GNAQ: variants seen among roughly 807,000 people sequenced by gnomAD.
GNAQ encodes the protein guanine nucleotide-binding protein G(q) subunit alpha.
Under a neutral mutation model 43.9 loss-of-function variants are expected in GNAQ, and 8 were observed. That is an observed-to-expected ratio of 0.18 (90% confidence interval 0.11 to 0.33). The LOEUF (loss-of-function observed/expected upper bound fraction) is 0.33. Ranked by LOEUF, GNAQ falls within the 10% of genes least tolerant of loss-of-function variation. The pLI is 1.00. For missense variants in GNAQ, 158 were observed against 450.8 expected (o/e 0.35, Z 5.88); for synonymous variants, 155 against 170.7 (o/e 0.91, Z 0.71).
intron 5 of GNAQ, among the ~76,000 whole-genome samples, chr9:77,760,338 C>T (rs1825976417): frequency 6.6e-6 from 1 of 152,114 alleles, no homozygotes; most frequent in South Asian, 2.1e-4. Flanking sequence ...TGCTGAGTGC[C>T]TGCGAGTGCA....
chr9:77,966,513 A>G (rs1823169371), intron 1 of GNAQ, among the ~76,000 whole-genome samples: 1 of 152,172 alleles, frequency 6.6e-6, no homozygotes, highest in African/African-American at 2.4e-5. Context: ...ATGCTTCCCC[A>G]AAGGAACAAA....
At chr9:77,947,404 T>G (rs139438023) in intron 1 of GNAQ, among the ~76,000 whole-genome samples, 178 of 152,298 alleles carry the variant, frequency 1.2e-3, no homozygotes, top group African/African-American at 4.1e-3. Flanking sequence ...CTCTGCCCTA[T>G]GCCAGTGCCA....
intron 1 of GNAQ, among the ~76,000 whole-genome samples, chr9:77,968,716 G>A (rs1013466873): frequency 3.9e-5 from 6 of 152,094 alleles, no homozygotes; most frequent in African/African-American, 1.2e-4. Flanking sequence ...ATTAATTTTC[G>A]TAAGTGTACC....
intron 1 of GNAQ, among the ~76,000 whole-genome samples, chr9:78,005,653 G>A (rs1823696366): frequency 1.3e-5 from 2 of 152,134 alleles, no homozygotes; most frequent in Non-Finnish European, 1.5e-5. Context: ...CATCCCATGT[G>A]ATCCTCCCAA....
intron 2 of GNAQ, among the ~76,000 whole-genome samples, chr9:77,912,596 G>A (rs1828826544): frequency 6.6e-6 from 1 of 151,770 alleles, no homozygotes; most frequent in South Asian, 2.1e-4. Flanking sequence ...GAACCATTAA[G>A]AAAACAAAAA....
At chr9:77,948,991 G>A (rs1033533723) in intron 1 of GNAQ, among the ~76,000 whole-genome samples, 16 of 152,110 alleles carry the variant, frequency 1.1e-4, no homozygotes, top group African/African-American at 3.6e-4. Context: ...GTGCCCCAGG[G>A]TCTCCCCAAG....
chr9:77,977,745 G>A (rs1823322469), intron 1 of GNAQ, among the ~76,000 whole-genome samples: 1 of 152,208 alleles, frequency 6.6e-6, no homozygotes, highest in African/African-American at 2.4e-5. Context: ...CAAGTCTGAA[G>A]AAGGCTAGTG....
intron 5 of GNAQ, among the ~76,000 whole-genome samples, chr9:77,779,856 A>G (rs1826364111): frequency 6.6e-6 from 1 of 151,916 alleles, no homozygotes; most frequent in South Asian, 2.1e-4. Context: ...ACAATTTGCC[A>G]AAACTCCTAT....
At chr9:77,734,465 A>T (rs997254995) in intron 5 of GNAQ, among the ~76,000 whole-genome samples, 5 of 152,226 alleles carry the variant, frequency 3.3e-5, no homozygotes, top group Non-Finnish European at 7.3e-5. Context: ...TTAAGAAATA[A>T]ATAAGCATGC....
At chr9:77,968,787 A>G (rs1823200458) in intron 1 of GNAQ, among the ~76,000 whole-genome samples, 1 of 152,216 alleles carries the variant, frequency 6.6e-6, no homozygotes, top group African/African-American at 2.4e-5. Flanking sequence ...CGGGGCTCTT[A>G]AAGAGGAACT....
intron 5 of GNAQ, among the ~76,000 whole-genome samples, chr9:77,785,717 C>A (rs1310019016): frequency 6.6e-6 from 1 of 152,122 alleles, no homozygotes; most frequent in African/African-American, 2.4e-5. Context: ...ACTGATCATG[C>A]AGACAATAAA....
chr9:77,907,951 G>C (rs528510789), intron 2 of GNAQ, among the ~76,000 whole-genome samples: 1 of 152,214 alleles, frequency 6.6e-6, no homozygotes, highest in Admixed American at 6.5e-5. Flanking sequence ...TCAAGTATAC[G>C]AGCTGCCTTT....
chr9:77,741,254 G>A (rs1825649951), intron 5 of GNAQ, among the ~76,000 whole-genome samples: 1 of 151,728 alleles, frequency 6.6e-6, no homozygotes, highest in Non-Finnish European at 1.5e-5. Flanking sequence ...GTAGAAGGAA[G>A]GTAAATAATT....
At chr9:77,819,998 A>C (rs545149254) in intron 2 of GNAQ, among the ~76,000 whole-genome samples, 1 of 151,636 alleles carries the variant, frequency 6.6e-6, no homozygotes, top group East Asian at 1.9e-4. Flanking sequence ...AGGTAATCAT[A>C]GCACTTATTT....
chr9:78,010,397 T>C (rs1426202737), intron 1 of GNAQ, among the ~76,000 whole-genome samples: 1 of 152,126 alleles, frequency 6.6e-6, no homozygotes, highest in African/African-American at 2.4e-5. Flanking sequence ...AATAAACAGA[T>C]GACTGAAGAT....
At chr9:78,011,235 C>A (rs186928463) in intron 1 of GNAQ, among the ~76,000 whole-genome samples, 280 of 152,278 alleles carry the variant, frequency 1.8e-3, no homozygotes, top group Non-Finnish European at 3.2e-3. Flanking sequence ...GACAACTGAA[C>A]AGCTAAAAAT....
chr9:77,914,927 T>C (rs894988941), intron 2 of GNAQ, among the ~76,000 whole-genome samples: 3 of 152,098 alleles, frequency 2.0e-5, no homozygotes, highest in Non-Finnish European at 4.4e-5. Flanking sequence ...TGGAGACCAT[T>C]ATCAAAGCAA....
In GNAQ at chr9:77,922,183, G is replaced by C. The variant is rs766649624; in HGVS notation, c.299C>G (p.Pro100Arg). The C allele has an allele frequency of 6.2e-6, 10 of 1,612,930 alleles. No individual in the cohort carries two copies. The South Asian group carries it at 1.1e-4, about 18-fold the overall frequency. The change falls in exon 2 of 7, where the codon CCA becomes CGA. Residue 100 changes from proline to arginine, a missense_variant. Transcript: ENST00000286548. ...MIRAMDTLKI[P>R]YKYEHNKAHA... ...TACCTTATTGTGCTCATACTTGTAT[G>C]GGATCTTGAGTGTGTCCATGGCTCT...
At chr9:78,005,388 G>A (rs1050298837) in intron 1 of GNAQ, among the ~76,000 whole-genome samples, 36 of 152,184 alleles carry the variant, frequency 2.4e-4, no homozygotes, top group African/African-American at 8.2e-4. Context: ...AGAGAGCAAT[G>A]TGAAAAATGT....
Sources: gnomAD v4.1 joint callset for allele counts (sites outside exome capture counted in the v4.1 genomes callset) on GRCh38, gnomAD v4.1.1 for gene constraint, MANE v1.5 for transcripts, NCBI Gene and HGNC (gene_info 2026-07-23, HGNC 2026-07-21) for gene names.